Variants in TCHP observed in about 807,000 individuals in gnomAD.
TCHP encodes trichoplein keratin filament-binding protein.
Under a neutral mutation model 88.7 loss-of-function variants are expected in TCHP, and 81 were observed. That is an observed-to-expected ratio of 0.91 (90% CI 0.76 to 1.10). The LOEUF (loss-of-function observed/expected upper bound fraction) is 1.10, where lower values mean the gene tolerates loss of function less well. TCHP is among the 50% of genes least tolerant of loss of function. The probability of loss-of-function intolerance (pLI) is 0.00; values close to 1 mark genes in which losing one functional copy is unlikely to be tolerated. For missense variants in TCHP, 641 were observed against 632.1 expected, an observed-to-expected ratio of 1.01 and a Z score of -0.15; for synonymous variants, 232 against 232.5, an observed-to-expected ratio of 1.00 and a Z score of 0.02.
chr12:109,911,147 A>G lies in TCHP; in HGVS notation c.964A>G (p.Met322Val). Residue 322 changes from methionine to valine, a missense_variant, in exon 9 of 13, where the codon ATG (methionine) becomes GTG (valine). Physicochemically the swap from Met to Val is conservative, Grantham distance 21 (BLOSUM62 1). Transcript: ENST00000405876. Reference sequence around the variant, plus strand: ...CCACCTGGCCAGGCGGGAGCAGGTCATGGCCGATGTGGCCTGGATGAAGCA... The same window carrying G: ...CCACCTGGCCAGGCGGGAGCAGGTCGTGGCCGATGTGGCCTGGATGAAGCA... ...RLHLARREQV[M>V]ADVAWMKQAI... 2 of 1,597,480 alleles carry G rather than the reference A, an allele frequency of 1.3e-6. No individual in the cohort carries two copies. Among genetic ancestry groups the G allele is most frequent in the Non-Finnish European group, 1.7e-6 (2 of 1,173,980 alleles).
At chr12:109,897,795 T>G (rs113438810), upstream of TCHP, among the ~76,000 whole-genome samples, 1 of 152,154 alleles carries the variant, frequency 6.6e-6, no homozygotes, top group Non-Finnish European at 1.5e-5. Context: ...TGACCTCAAA[T>G]GATCCACCTG....
chr12:109,893,654 A>G, the TCHP span, among the ~76,000 whole-genome samples: 3 of 152,144 alleles, frequency 2.0e-5, no homozygotes, highest in Non-Finnish European at 4.4e-5. Context: ...AGTTTATTCC[A>G]AACAAGACAG....
rs770268344 is a variant in TCHP, at chr12:109,906,660, G to A, written c.525+20G>A. On this transcript the variant is annotated intron_variant, in intron 5 of 12. Transcript: ENST00000405876. ...AAACAGGTGTGGTATGTGGCTCTGG[G>A]AATAGCCGCGTATTCTGCTGTGCGA... is the stretch of plus-strand genomic sequence containing the variant. 1.3e-6 allele frequency: 2 copies of A among 1,590,352 alleles called. No individual in the cohort carries two copies. The highest frequency in any genetic ancestry group is 1.7e-6 in the Non-Finnish European group (2 of 1,168,582).
Position 109,903,079 on chromosome 12 carries a change from A to G in TCHP, c.53A>G (p.Gln18Arg), listed in dbSNP as rs1056332816. Residue 18 changes from glutamine to arginine, a missense_variant, in exon 2 of 13, where the codon CAG (glutamine) becomes CGG (arginine). Coordinates refer to ENST00000405876, the MANE Select transcript of TCHP (RefSeq NM_001143852.2). This position sits in a 1 kb window ranked among gnomAD's most constrained non-coding sequence, Gnocchi z 4.6. ...SYWCSQQRLNQQLARQREQEA... is the reference protein window; with the variant it reads ...SYWCSQQRLNRQLARQREQEA... The stretch of plus-strand genomic sequence containing the variant: ...TGGTGCAGCCAGCAGCGCCTGAATC[A>G]GCAGCTAGCACGACAGCGAGAGCAG... 69 of 1,613,566 alleles carry G rather than the reference A, an allele frequency of 4.3e-5. No individual in the cohort carries two copies. Among genetic ancestry groups the G allele is most frequent in the Non-Finnish European group, 5.8e-5 (68 of 1,179,708 alleles).
chr12:109,880,945 T>C, the TCHP span, among the ~76,000 whole-genome samples: 1 of 152,200 alleles, frequency 6.6e-6, no homozygotes. The surrounding 1 kb of genome is among the most constrained non-coding windows in gnomAD (Gnocchi z 5.1). Flanking sequence ...GTCACGGTTC[T>C]CTTTCGCTAC....
At chr12:109,889,083 C>T in the TCHP span, among the ~76,000 whole-genome samples, 19 of 150,726 alleles carry the variant, frequency 1.3e-4, no homozygotes, top group African/African-American at 3.9e-4. Flanking sequence ...AATCCCAGGA[C>T]TTTCGGAGGA....
the TCHP span, among the ~76,000 whole-genome samples, chr12:109,891,539 G>A: frequency 2.7e-5 from 4 of 148,154 alleles, no homozygotes; most frequent in East Asian, 8.1e-4. Context: ...GATTACAGGT[G>A]CGCAACACCA....
chr12:109,906,473 C>A, intron 4 of TCHP, 99 bp from the exon 5 acceptor site: 1 of 1,141,916 alleles, frequency 8.8e-7, no homozygotes. Context: ...GAAGTCATGG[C>A]CACGTTCCCG....
intron 5 of TCHP, among the ~76,000 whole-genome samples, chr12:109,907,149 A>G (rs894226126): frequency 1.3e-5 from 2 of 152,206 alleles, no homozygotes; most frequent in African/African-American, 2.4e-5. Context: ...CGGCCTCCCA[A>G]AGTGCTGGGA....
rs1204320298 is a variant in TCHP at position 109,907,539 on chromosome 12, C to CA, written c.540dup (p.Glu181ArgfsTer8). On this transcript the variant is annotated frameshift_variant, in exon 6 of 13. Transcript: ENST00000405876. LOFTEE classifies it high-confidence loss of function. Reference sequence around the variant, plus strand: ...GGTCCCTTGTAGCAAGAAGCCACCGCAGAGCAAGAGAACAAACGGTATGAA... The same window carrying CA: ...GGTCCCTTGTAGCAAGAAGCCACCGCAAGAGCAAGAGAACAAACGGTATGAA... The CA allele has an allele frequency of 6.2e-7, 1 of 1,614,092 alleles. No individual in the cohort carries two copies. The highest frequency in any genetic ancestry group is 1.7e-5 in the Admixed American group (1 of 60,020).
chr12:109,882,002 G>A, the TCHP span, among the ~76,000 whole-genome samples: 1 of 151,822 alleles, frequency 6.6e-6, no homozygotes, highest in South Asian at 2.1e-4. Context: ...TGCCCTTGTG[G>A]AGCTGACAAT....
At chr12:109,883,233 G>C in the TCHP span, among the ~76,000 whole-genome samples, 1 of 141,890 alleles carries the variant, frequency 7.0e-6, no homozygotes, top group Non-Finnish European at 1.5e-5. Context: ...ATGGTGTCTT[G>C]CTATGTTTCC....
chr12:109,907,010 C>T (rs1870172633), intron 5 of TCHP, among the ~76,000 whole-genome samples: 1 of 152,218 alleles, frequency 6.6e-6, no homozygotes, highest in Admixed American at 6.5e-5. Flanking sequence ...CTAACTCAGC[C>T]TCCCGAGTAG....
At chr12:109,885,559 T>A in the TCHP span, among the ~76,000 whole-genome samples, 2 of 145,692 alleles carry the variant, frequency 1.4e-5, no homozygotes, top group African/African-American at 5.1e-5. Context: ...CTCGGCTCAC[T>A]GCAAGCTCCG....
intron 9 of TCHP, 31 bp downstream of exon 9, chr12:109,911,266 C>CA: frequency 7.8e-7 from 1 of 1,285,586 alleles, no homozygotes. Context: ...GGGCTGGATG[C>CA]TCCTGGCCTC....
intron 10 of TCHP, chr12:109,914,109 C>T (rs1870661867): frequency 5.9e-6 from 1 of 168,720 alleles, no homozygotes; most frequent in Non-Finnish European, 1.3e-5. Flanking sequence ...GAAGGAGACT[C>T]ACCTTGTTGC....
In TCHP at chr12:109,915,529, C is replaced by T; in HGVS notation, c.1447C>T (p.Gln483Ter). The T allele has an allele frequency of 6.2e-7, 1 of 1,613,638 alleles. No individual in the cohort carries two copies. The highest frequency in any genetic ancestry group is 8.5e-7 in the Non-Finnish European group (1 of 1,179,778). ...GCAGGAGGCGGAGACTATGGCTGAG[C>T]AGGGCTACCGGCCTAAGGTAGGAAG... Reference protein sequence around the residue: ...LQQEAETMAEQGYRPKPYGHP... With the variant: ...LQQEAETMAE The change falls in exon 12 of 13, where the codon CAG becomes TAG. Residue 483 changes from glutamine (Q) to a stop codon, truncating the protein, a stop_gained. Coordinates refer to ENST00000405876, the MANE Select transcript of TCHP (RefSeq NM_001143852.2). LOFTEE classifies it high-confidence loss of function.
chr12:109,905,664 G>A lies in TCHP; in HGVS notation c.456+871G>A, dbSNP rs1049485276. 6.6e-6 allele frequency among the ~76,000 whole-genome samples: 1 copy of A among 152,098 alleles called. No individual in the cohort carries two copies. The highest frequency in any genetic ancestry group is 2.4e-5 in the African/African-American group (1 of 41,400). On this transcript the variant is annotated intron_variant, in intron 4 of 12. Coordinates refer to ENST00000405876, the MANE Select transcript of TCHP (RefSeq NM_001143852.2). This position sits in a 1 kb window ranked among gnomAD's most constrained non-coding sequence, Gnocchi z 4.0. ...GTTTTTGTATACATTTGGTGCCTTC[G>A]TGTTATTCGTAGTTACATTTAGAAA...
chr12:109,916,336 C>T (rs1870815708), intron 12 of TCHP, among the ~76,000 whole-genome samples: 1 of 152,228 alleles, frequency 6.6e-6, no homozygotes, highest in African/African-American at 2.4e-5. Context: ...ATTTCCTAAA[C>T]CCACTTGGCC....
Sources: allele counts gnomAD v4.1 joint callset (sites outside exome capture counted in the v4.1 genomes callset), GRCh38; gene constraint gnomAD v4.1.1; non-coding constraint Gnocchi (gnomAD v3.1); transcripts MANE v1.5; gene names NCBI Gene and HGNC (gene_info 2026-07-23, HGNC 2026-07-21).